AP1AR: variants seen among roughly 807,000 people sequenced by gnomAD.
AP1AR encodes the protein AP-1 complex-associated regulatory protein.
A neutral mutation model predicts 46.3 loss-of-function variants in AP1AR; 29 were observed. That is an observed-to-expected ratio of 0.63 (90% CI 0.47 to 0.85). The LOEUF is 0.85. Among genes scored for constraint, AP1AR ranks in the 40% least tolerant of loss-of-function variants. The pLI is 0.00. For synonymous variants in AP1AR, 122 were observed against 122.9 expected (o/e 0.99, Z 0.05); for missense variants, 357 against 356.3 (o/e 1.00, Z -0.02).
At chr4:112,244,757 A>G (rs578074965) in intron 1 of AP1AR, among the ~76,000 whole-genome samples, 30 of 152,066 alleles carry the variant, frequency 2.0e-4, no homozygotes, top group Non-Finnish European at 2.9e-4. Context: ...GTTGTTTCCT[A>G]TGGTACCTCC....
At chr4:112,253,165 G>C in intron 1 of AP1AR, 43 bp from the exon 2 acceptor site, 2 of 1,475,094 alleles carry the variant, frequency 1.4e-6, no homozygotes, top group South Asian at 1.2e-5. Context: ...TTCAATCTTA[G>C]AGTTAATTGT....
intron 1 of AP1AR, among the ~76,000 whole-genome samples, chr4:112,241,063 G>A (rs1292158627): frequency 2.0e-5 from 3 of 152,104 alleles, no homozygotes; most frequent in Non-Finnish European, 2.9e-5. Context: ...CTTTAAATCA[G>A]GCTCTTAAAA....
chr4:112,252,783 A>G (rs1726014795), intron 1 of AP1AR, among the ~76,000 whole-genome samples: 1 of 152,246 alleles, frequency 6.6e-6, no homozygotes, highest in African/African-American at 2.4e-5. Context: ...ATTGACATAT[A>G]TACTTTTAGA....
intron 1 of AP1AR, among the ~76,000 whole-genome samples, chr4:112,234,778 A>G (rs186196609): frequency 3.3e-5 from 5 of 152,032 alleles, no homozygotes; most frequent in Non-Finnish European, 5.9e-5. Context: ...TTGATCCTAT[A>G]TGTCTTTGTA....
In AP1AR at chr4:112,231,826, C is replaced by G. The variant is rs1314232218; in HGVS notation, c.-266C>G. On this transcript the variant is annotated 5_prime_UTR_variant, in exon 1 of 10. Transcript: ENST00000274000. ...AGGAGCTGAGGCGAGAAGGGCCATG[C>G]GGACGGCGAGGGAGTCCAGAGCCTT... The G allele has an allele frequency of 2.8e-6, 1 of 353,926 alleles. No individual in the cohort carries two copies. The highest frequency in any genetic ancestry group is 4.1e-5 in the East Asian group (1 of 24,176). 21.9% of individuals were successfully genotyped at this position (353,926 alleles called of 1,614,324 possible).
rs767737364 is a variant in AP1AR at position 112,271,394 on chromosome 4, GCTC to G, written c.*2989_*2991del. Among the ~76,000 whole-genome samples, 19 of 152,190 alleles carry G rather than the reference GCTC, an allele frequency of 1.2e-4. No individual in the cohort carries two copies. Among genetic ancestry groups the G allele is most frequent in the Non-Finnish European group, 1.9e-4 (13 of 68,036 alleles). Reference sequence around the variant, plus strand: ...AATGTTTAGCTATAGTTTAGAGTTGGCTCCTCAACAGAGCTATTTCTACTTGTC... The same window carrying G: ...AATGTTTAGCTATAGTTTAGAGTTGGCTCAACAGAGCTATTTCTACTTGTC... On this transcript the variant is annotated 3_prime_UTR_variant, in exon 10 of 10. Transcript: ENST00000274000.
chr4:112,255,105 G>A (rs1301213083), intron 3 of AP1AR, among the ~76,000 whole-genome samples: 476 of 151,606 alleles, frequency 3.1e-3, no homozygotes, highest in African/African-American at 0.01. Flanking sequence ...GACTACAGGC[G>A]CCCGCCACTA....
intron 1 of AP1AR, among the ~76,000 whole-genome samples, chr4:112,236,649 C>A (rs1725253881): frequency 6.6e-6 from 1 of 152,148 alleles, no homozygotes; most frequent in Non-Finnish European, 1.5e-5. Flanking sequence ...GATCTGCCCA[C>A]CTCGGCTTCC....
intron 9 of AP1AR, among the ~76,000 whole-genome samples, chr4:112,267,488 T>C (rs1261490662): frequency 6.6e-6 from 1 of 152,014 alleles, no homozygotes; most frequent in African/African-American, 2.4e-5. Context: ...GTCTCTACTC[T>C]GTTGTGGTAG....
At position 112,270,440 on chromosome 4, in the gene AP1AR, T is replaced by G. The variant is rs1726905087; in HGVS notation, c.*2031T>G. Among the ~76,000 whole-genome samples the G allele has an allele frequency of 6.6e-6, 1 of 152,092 alleles. No homozygotes were observed. The highest frequency in any genetic ancestry group is 1.5e-5 in the Non-Finnish European group (1 of 68,004). ...GTCACAGTTAGAAAATATACAAGATTATAGGAGAGAGAGTAACTGGGGGCC... is the reference window on the plus strand; with the variant it reads ...GTCACAGTTAGAAAATATACAAGATGATAGGAGAGAGAGTAACTGGGGGCC... On this transcript the variant is annotated 3_prime_UTR_variant, in exon 10 of 10. Coordinates refer to ENST00000274000, the MANE Select transcript of AP1AR (RefSeq NM_018569.6).
rs538754287 is a variant in AP1AR, at chr4:112,236,175, A to T, written c.83+4001A>T. 2.0e-5 allele frequency among the ~76,000 whole-genome samples: 3 copies of T among 151,916 alleles called. 1 individual carries two copies. The South Asian group carries it at 6.2e-4, about 32-fold the overall frequency. The stretch of plus-strand genomic sequence containing the variant: ...TATATATTATTTTCAGTCTCTCCTT[A>T]AACATACTGAACCTGTTTTCTTCCT... On this transcript the variant is annotated intron_variant, in intron 1 of 9. Coordinates refer to ENST00000274000, the MANE Select transcript of AP1AR (RefSeq NM_018569.6).
chr4:112,255,113 C>G (rs1385932615), intron 3 of AP1AR, among the ~76,000 whole-genome samples: 1 of 152,016 alleles, frequency 6.6e-6, no homozygotes, highest in Non-Finnish European at 1.5e-5. Flanking sequence ...GCGCCCGCCA[C>G]TACGCCCGGC....
chr4:112,232,140 G>A lies in AP1AR; in HGVS notation c.49G>A (p.Ala17Thr). ...GTGCTTCGGACTGCTTCGCAAGGAAGCGGGGCGGCTGCAGCGAGTAGGCGG... is the reference window on the plus strand; with the variant it reads ...GTGCTTCGGACTGCTTCGCAAGGAAACGGGGCGGCTGCAGCGAGTAGGCGG... Reference protein sequence around the residue: ...TQCFGLLRKEAGRLQRVGGGG... With the variant: ...TQCFGLLRKETGRLQRVGGGG... Residue 17 changes from alanine (A) to threonine (T), a missense_variant, in exon 1 of 10, where the codon GCG (alanine) becomes ACG (threonine). By Grantham distance (58) the Ala-to-Thr change is moderately conservative. Transcript: ENST00000274000. 7.8e-7 allele frequency: 1 copy of A among 1,278,228 alleles called. No individual in the cohort carries two copies. Among genetic ancestry groups the A allele is most frequent in the Non-Finnish European group, 1.0e-6 (1 of 1,003,644 alleles). 79.2% of individuals were successfully genotyped at this position (1,278,228 alleles called of 1,614,324 possible). A position where few individuals can be genotyped will look rare whatever the true frequency, so the allele number is the denominator to read the frequency against.
chr4:112,265,351 T>C (rs111545718), intron 7 of AP1AR: 2 of 367,596 alleles, frequency 5.4e-6, no homozygotes, highest in African/African-American at 2.1e-5. Context: ...TATACCCCAG[T>C]TGTTTGTGTT....
chr4:112,257,723 G>A, intron 3 of AP1AR, 49 bp from the exon 4 acceptor site: 1 of 1,399,250 alleles, frequency 7.1e-7, no homozygotes, highest in Non-Finnish European at 9.5e-7. Flanking sequence ...ACTTTAAATA[G>A]AATTTAGCTA....
intron 7 of AP1AR, 39 bp downstream of exon 7, chr4:112,265,106 G>A (rs1726622004): frequency 6.6e-7 from 1 of 1,524,360 alleles, no homozygotes. Context: ...CTTTGTGGTA[G>A]AACATTTTAT....
chr4:112,249,375 A>G (rs1461210126), intron 1 of AP1AR, among the ~76,000 whole-genome samples: 1 of 147,878 alleles, frequency 6.8e-6, no homozygotes, highest in Admixed American at 6.7e-5. Flanking sequence ...AAAAAAATGT[A>G]TAGGCTTGGT....
chr4:112,232,245 C>T lies in AP1AR; in HGVS notation c.83+71C>T, dbSNP rs897580284. 1.3e-5 allele frequency: 16 copies of T among 1,220,608 alleles called. 1 individual carries two copies. In the African/African-American group the frequency reaches 2.2e-4, roughly 17 times the overall value. The allele number at this position is 1,220,608 out of a possible 1,614,324, so 75.6% of individuals were successfully genotyped here. A position where few individuals can be genotyped will look rare whatever the true frequency, so the allele number is the denominator to read the frequency against. ...TCGGCCCCCGGCGGGGAATCCCTTT[C>T]ACCGTCCCCCGGCGGCTGGAGGTGG... On this transcript the variant is annotated intron_variant, in intron 1 of 9. Transcript: ENST00000274000.
Position 112,236,804 on chromosome 4 carries a change from T to A in AP1AR, c.83+4630T>A, listed in dbSNP as rs1184564162. Among the ~76,000 whole-genome samples the A allele has an allele frequency of 2.0e-5, 3 of 152,202 alleles. No individual in the cohort carries two copies. In the South Asian group the frequency reaches 6.2e-4, roughly 31 times the overall value. ...TTGTATACTCAGGATGATATTTAGT[T>A]CTATATTTGGGTTTCTATAATCTCT... On this transcript the variant is annotated intron_variant, in intron 1 of 9. Transcript: ENST00000274000.
Sources: gnomAD v4.1 joint callset for allele counts (sites outside exome capture counted in the v4.1 genomes callset) on GRCh38, gnomAD v4.1.1 for gene constraint, MANE v1.5 for transcripts, NCBI Gene and HGNC (gene_info 2026-07-23, HGNC 2026-07-21) for gene names.